Variants in EYS observed in about 807,000 individuals in gnomAD.
The protein encoded by EYS is EGF-like photoreceptor maintenance factor.
A neutral mutation model predicts 282.1 loss-of-function variants in EYS; 250 were observed. That is an observed-to-expected ratio of 0.89 (90% CI 0.80 to 0.98). The LOEUF (loss-of-function observed/expected upper bound fraction) is 0.98, where lower values mean the gene tolerates loss of function less well. EYS is among the 50% of genes least tolerant of loss of function. EYS has a pLI of 0.00. For missense variants in EYS, 4,016 were observed against 3,709.0 expected (o/e 1.08, Z -2.15); for synonymous variants, 1,355 against 1,282.9 (o/e 1.06, Z -1.20).
At position 63,959,637 on chromosome 6, in the gene EYS, A is replaced by T. The variant is rs115888482; in HGVS notation, c.7055+24746T>A. Among the ~76,000 whole-genome samples, 265 of 152,362 alleles carry T rather than the reference A, an allele frequency of 1.7e-3. 1 individual carries two copies. The highest frequency in any genetic ancestry group is 6.0e-3 in the African/African-American group (251 of 41,592). Reference sequence around the variant, plus strand: ...CAAATGTCCATCAGTGATATACTGGATAAAGGAAACGTGGTACATATACAC... The same window carrying T: ...CAAATGTCCATCAGTGATATACTGGTTAAAGGAAACGTGGTACATATACAC... On this transcript the variant is annotated intron_variant, in intron 35 of 42. Coordinates refer to ENST00000503581, the MANE Select transcript of EYS (RefSeq NM_001142800.2).
At chr6:65,523,625 T>C (rs1004366789) in intron 2 of EYS, among the ~76,000 whole-genome samples, 2 of 152,216 alleles carry the variant, frequency 1.3e-5, no homozygotes, top group African/African-American at 4.8e-5. Flanking sequence ...TTTCACTATG[T>C]ATATGTCTAT....
intron 29 of EYS, among the ~76,000 whole-genome samples, chr6:64,348,322 A>G (rs1771487092): frequency 6.6e-6 from 1 of 151,426 alleles, no homozygotes; most frequent in Non-Finnish European, 1.5e-5. Context: ...CATCATATTT[A>G]CATATGTAAG....
intron 31 of EYS, among the ~76,000 whole-genome samples, chr6:64,094,023 T>C (rs1772481172): frequency 6.6e-6 from 1 of 152,204 alleles, no homozygotes; most frequent in Non-Finnish European, 1.5e-5. Flanking sequence ...CATGTGGTTT[T>C]TGTCTTTGGT....
intron 22 of EYS, among the ~76,000 whole-genome samples, chr6:64,770,516 A>G (rs1041917668): frequency 1.3e-5 from 2 of 151,960 alleles, no homozygotes; most frequent in African/African-American, 4.8e-5. Context: ...TCACCAGTGT[A>G]CTTTAATAGA....
At chr6:65,488,768 C>G (rs912187725) in intron 5 of EYS, among the ~76,000 whole-genome samples, 3 of 151,980 alleles carry the variant, frequency 2.0e-5, no homozygotes, top group African/African-American at 7.2e-5. Flanking sequence ...GGTACTGGTA[C>G]CAAAACAGAT....
intron 12 of EYS, among the ~76,000 whole-genome samples, chr6:65,109,148 CTA>C (rs1775131872): frequency 2.6e-5 from 4 of 151,782 alleles, no homozygotes. Flanking sequence ...TCTATACAAA[CTA>C]TTTTTATTTT....
At chr6:65,318,485 T>C (rs1206431910) in intron 11 of EYS, among the ~76,000 whole-genome samples, 1 of 147,576 alleles carries the variant, frequency 6.8e-6, no homozygotes, top group Non-Finnish European at 1.5e-5. Flanking sequence ...GCAGGGTCAT[T>C]GAGGGTCATC....
chr6:64,527,740 C>A (rs1178111909), intron 26 of EYS, among the ~76,000 whole-genome samples: 2 of 151,212 alleles, frequency 1.3e-5, no homozygotes, highest in Non-Finnish European at 3.0e-5. Context: ...AATAAGGAAC[C>A]ATAAATAAAA....
chr6:65,566,159 T>C (rs1562262723), intron 2 of EYS, among the ~76,000 whole-genome samples: 1 of 152,070 alleles, frequency 6.6e-6, no homozygotes, highest in Non-Finnish European at 1.5e-5. Flanking sequence ...ATGTTGGAAT[T>C]TGACTTTCCT....
chr6:64,615,950 T>C (rs556559787), intron 24 of EYS, among the ~76,000 whole-genome samples: 26 of 152,214 alleles, frequency 1.7e-4, no homozygotes, highest in Non-Finnish European at 3.5e-4. Flanking sequence ...ACTAATGTAT[T>C]TATCCTTCAG....
At chr6:65,698,432 T>A (rs1769537720) in intron 1 of EYS, among the ~76,000 whole-genome samples, 1 of 152,122 alleles carries the variant, frequency 6.6e-6, no homozygotes, top group Non-Finnish European at 1.5e-5. Context: ...GAACTACAGG[T>A]TATATCAATA....
intron 13 of EYS, among the ~76,000 whole-genome samples, chr6:65,051,853 C>A (rs1375969164): frequency 1.3e-5 from 2 of 151,462 alleles, no homozygotes; most frequent in East Asian, 3.9e-4. Context: ...ATATAGATTA[C>A]AGTATCACTG....
chr6:64,785,381 G>T (rs562832232), intron 22 of EYS, among the ~76,000 whole-genome samples: 2 of 152,046 alleles, frequency 1.3e-5, no homozygotes, highest in Non-Finnish European at 2.9e-5. Flanking sequence ...GCCAAATCTT[G>T]CTGGCCTAAA....
At chr6:64,644,660 G>A (rs1433445516) in intron 22 of EYS, among the ~76,000 whole-genome samples, 1 of 152,074 alleles carries the variant, frequency 6.6e-6, no homozygotes, top group Non-Finnish European at 1.5e-5. Flanking sequence ...AAGATGATGA[G>A]CAAGGAAATT....
chr6:64,631,795 C>T (rs1413489142), intron 22 of EYS: 3 of 151,962 alleles, frequency 2.0e-5, no homozygotes, highest in Admixed American at 1.3e-4. Context: ...AAGAAGGGTA[C>T]AAAAACTGAA....
At chr6:64,743,363 A>T (rs1227892208) in intron 22 of EYS, among the ~76,000 whole-genome samples, 1 of 152,178 alleles carries the variant, frequency 6.6e-6, no homozygotes. Context: ...CATCTGGCCA[A>T]ACCACATAAT....
intron 30 of EYS, among the ~76,000 whole-genome samples, chr6:64,287,482 A>G (rs1768541777): frequency 1.3e-5 from 2 of 152,186 alleles, no homozygotes; most frequent in South Asian, 4.1e-4. Context: ...CAATGCAGTG[A>G]ATGAAATCAA....
At chr6:65,180,866 C>T (rs970337067) in intron 12 of EYS, among the ~76,000 whole-genome samples, 6 of 151,974 alleles carry the variant, frequency 3.9e-5, no homozygotes, top group Admixed American at 6.6e-5. Context: ...GAGATATAGA[C>T]CAATGGAACA....
At chr6:64,135,154 A>G (rs909528564) in intron 31 of EYS, among the ~76,000 whole-genome samples, 2 of 151,998 alleles carry the variant, frequency 1.3e-5, no homozygotes, top group Admixed American at 6.6e-5. Context: ...AGAATAAGTG[A>G]GTACTTAAAT....
Sources: allele counts gnomAD v4.1 joint callset (sites outside exome capture counted in the v4.1 genomes callset), GRCh38; gene constraint gnomAD v4.1.1; transcripts MANE v1.5; gene names NCBI Gene and HGNC (gene_info 2026-07-23, HGNC 2026-07-21).